The following SHKBP1 variants were observed in gnomAD, a reference collection of about 807,000 sequenced individuals.
The protein encoded by SHKBP1 is SH3KBP1-binding protein 1.
In SHKBP1, 71 loss-of-function variants were observed where a neutral mutation model predicts 83.9. The ratio of observed to expected loss-of-function variants is 0.85; its 90% CI spans 0.70 to 1.03. SHKBP1 has a LOEUF of 1.03. Among genes scored for constraint, SHKBP1 ranks in the 50% least tolerant of loss-of-function variants. The pLI, the probability that SHKBP1 is intolerant of heterozygous loss-of-function variation, is 0.00. For synonymous variants in SHKBP1, 371 were observed against 398.0 expected (o/e 0.93, Z 0.81); for missense variants, 824 against 982.4 (o/e 0.84, Z 2.16).
chr19:40,586,905 G>A lies in SHKBP1; in HGVS notation c.1297G>A (p.Val433Ile). The A allele has an allele frequency of 6.2e-7, 1 of 1,609,532 alleles. No homozygotes were observed. The highest frequency in any genetic ancestry group is 2.2e-5 in the East Asian group (1 of 44,676). ...FQTFTVHRSP[V>I]TKIMLSEKHL... ...GACCTTCACTGTGCACCGCAGCCCT[G>A]TCACCAAGATCATGCTGTCGGAGAA... The change falls in exon 13 of 18, where the codon GTC (valine) becomes ATC (isoleucine). Residue 433 changes from valine (V) to isoleucine (I), a missense_variant. Transcript: ENST00000291842.
chr19:40,588,522 G>A (rs1010097946), intron 13 of SHKBP1, 102 bp from the exon 14 acceptor site: 60 of 1,440,062 alleles, frequency 4.2e-5, no homozygotes, highest in Non-Finnish European at 5.4e-5. Flanking sequence ...AACTCAGCAA[G>A]GGCTGACCCT....
At chr19:40,582,915 G>T (rs945103470) in intron 10 of SHKBP1, among the ~76,000 whole-genome samples, 1 of 151,950 alleles carries the variant, frequency 6.6e-6, no homozygotes, top group Non-Finnish European at 1.5e-5. Flanking sequence ...TCAGAAAGAG[G>T]TGACAGAGAA....
chr19:40,583,781 G>C (rs2081289813), intron 12 of SHKBP1, 64 bp downstream of exon 12: 1 of 1,272,142 alleles, frequency 7.9e-7, no homozygotes, highest in Non-Finnish European at 1.1e-6. Flanking sequence ...GCCTGCAGCT[G>C]TCCCCCAACT....
intron 13 of SHKBP1, among the ~76,000 whole-genome samples, chr19:40,587,795 T>C (rs368663995): frequency 6.6e-6 from 1 of 152,048 alleles, no homozygotes; most frequent in Non-Finnish European, 1.5e-5. Context: ...TCCCAGCTTC[T>C]TGGGAGGCTG....
In SHKBP1 at chr19:40,580,630, C is replaced by T; in HGVS notation, c.627C>T (p.Ala209=). The T allele has an allele frequency of 9.3e-6, 15 of 1,614,162 alleles. No individual in the cohort carries two copies. Among genetic ancestry groups the T allele is most frequent in the Non-Finnish European group, 1.3e-5 (15 of 1,180,040 alleles). ...VCGHHNWIAV[A]YTQFLVCYRL... ...GACACCATAATTGGATCGCTGTGGCCTATACCCAGTTTCTAGTCTGCTACA... is the reference window on the plus strand; with the variant it reads ...GACACCATAATTGGATCGCTGTGGCTTATACCCAGTTTCTAGTCTGCTACA... Residue 209 remains alanine, a synonymous_variant, in exon 8 of 18, where the codon GCC becomes GCT. Transcript: ENST00000291842.
intron 13 of SHKBP1, among the ~76,000 whole-genome samples, chr19:40,587,450 G>A (rs937181215): frequency 2.6e-5 from 4 of 152,082 alleles, no homozygotes; most frequent in African/African-American, 4.8e-5. Context: ...AATTAGCCAG[G>A]TGTGGTGGCA....
chr19:40,580,858 G>T lies in SHKBP1; in HGVS notation c.766G>T (p.Asp256Tyr). The part of the protein sequence containing the change: ...RVHGGALGEH[D>Y]KMVAAATGSE... ...GCATGGTGGGGCTTTGGGTGAACAT[G>T]ACAAGATGGTGGCAGCAGCCACCGG... Residue 256 changes from aspartate to tyrosine, a missense_variant, in exon 9 of 18, where the codon GAC becomes TAC. Asp to Tyr is a radical substitution (Grantham distance 160, BLOSUM62 -3). Transcript: ENST00000291842. 1.2e-6 allele frequency: 2 copies of T among 1,613,126 alleles called. No individual in the cohort carries two copies. Among genetic ancestry groups the T allele is most frequent in the Non-Finnish European group, 1.7e-6 (2 of 1,179,494 alleles).
At chr19:40,577,729 A>T in intron 4 of SHKBP1, 99 bp downstream of exon 4, 1 of 1,418,326 alleles carries the variant, frequency 7.1e-7, no homozygotes, top group East Asian at 2.3e-5. Flanking sequence ...ATTCTATTAG[A>T]ATTCTCATTC....
At chr19:40,587,287 T>A (rs1402206944) in intron 13 of SHKBP1, among the ~76,000 whole-genome samples, 1 of 151,954 alleles carries the variant, frequency 6.6e-6, no homozygotes, top group Non-Finnish European at 1.5e-5. Flanking sequence ...AGACAATAAA[T>A]CTATAAAAAT....
Position 40,588,638 on chromosome 19 carries a change from A to G in SHKBP1, c.1351A>G (p.Asn451Asp). ...KHLISVCADN[N>D]HVRTWSVTRF... Reference sequence around the variant, plus strand: ...GTGCCCCTCAGTCTGTGCCGACAACAACCACGTGCGGACATGGTCTGTGAC... The same window carrying G: ...GTGCCCCTCAGTCTGTGCCGACAACGACCACGTGCGGACATGGTCTGTGAC... Residue 451 changes from asparagine (N) to aspartate (D), a missense_variant, in exon 14 of 18, where the codon AAC becomes GAC. Around this residue, in one of 3 missense-constraint regions of SHKBP1, gnomAD observed 182 missense variants for 273.1 expected, o/e 0.67. Transcript: ENST00000291842. 2 of 1,614,154 alleles carry G rather than the reference A, an allele frequency of 1.2e-6. No individual in the cohort carries two copies. Among genetic ancestry groups the G allele is most frequent in the Non-Finnish European group, 1.7e-6 (2 of 1,180,022 alleles).
intron 15 of SHKBP1, among the ~76,000 whole-genome samples, chr19:40,589,784 A>G (rs2081342471): frequency 1.3e-5 from 2 of 151,992 alleles, no homozygotes; most frequent in African/African-American, 4.8e-5. Flanking sequence ...GTCACATGGG[A>G]AGGACACGTG....
At position 40,577,291 on chromosome 19, in the gene SHKBP1, G is replaced by A. The variant is rs1211964737; in HGVS notation, c.140+7G>A. 3 of 1,614,054 alleles carry A rather than the reference G, an allele frequency of 1.9e-6. No homozygotes were observed. Among genetic ancestry groups the A allele is most frequent in the Non-Finnish European group, 2.5e-6 (3 of 1,179,980 alleles). ...CAGACTCCTTCTTCTCCAGGTGATC[G>A]GGAGAGCGAGTTTGGGGCGAGGGTA... On this transcript the variant is annotated splice_region_variant and intron_variant, in intron 2 of 17. Transcript: ENST00000291842.
rs1376668619 is a variant in SHKBP1, at chr19:40,590,649, G to A, written c.1769-81G>A. On this transcript the variant is annotated intron_variant, in intron 16 of 17. Coordinates refer to ENST00000291842, the MANE Select transcript of SHKBP1 (RefSeq NM_138392.4). The surrounding 1 kb of genome is among the most constrained non-coding windows in gnomAD (Gnocchi z 4.6). ...CTTCCTCTCTCCTGTCCTGACCCTC[G>A]GTGCTTGCACTGCAATGCAACCCAG... is the stretch of plus-strand genomic sequence containing the variant. 1.5e-5 allele frequency: 22 copies of A among 1,480,640 alleles called. No individual in the cohort carries two copies. The highest frequency in any genetic ancestry group is 3.9e-5 in the South Asian group (3 of 76,208). The allele number at this position is 1,480,640 out of a possible 1,614,324, so 91.7% of individuals were successfully genotyped here.
At position 40,580,359 on chromosome 19, in the gene SHKBP1, G is replaced by A; in HGVS notation, c.436G>A (p.Val146Met). 6.2e-7 allele frequency: 1 copy of A among 1,614,214 alleles called. No individual in the cohort carries two copies. Among genetic ancestry groups the A allele is most frequent in the Non-Finnish European group, 8.5e-7 (1 of 1,180,046 alleles). The change falls in exon 7 of 18, where the codon GTG becomes ATG. Residue 146 changes from valine (V) to methionine (M), a missense_variant. Val to Met is a conservative substitution (Grantham distance 21). Around this residue, in one of 3 missense-constraint regions of SHKBP1, gnomAD observed 355 missense variants for 386.4 expected, o/e 0.92. Transcript: ENST00000291842. The part of the protein sequence containing the change: ...PVKRRNRHSL[V>M]GPQQLGGRPA... ...GAAGCGGCGGAACCGGCACAGCCTA[G>A]TGGGGCCTCAGCAGCTAGGAGGACG... is the stretch of plus-strand genomic sequence containing the variant.
At chr19:40,580,031 CA>C (rs35620022) in intron 6 of SHKBP1, 6,011 of 64,052 alleles carry the variant, frequency 0.094, 16 homozygotes, top group Non-Finnish European at 0.11. Context: ...AACTCCAACT[CA>C]AAAAAAAAAA....
intron 6 of SHKBP1, among the ~76,000 whole-genome samples, chr19:40,579,102 T>C (rs2081246654): frequency 6.6e-6 from 1 of 151,962 alleles, no homozygotes; most frequent in African/African-American, 2.4e-5. Flanking sequence ...AACAATCATT[T>C]ATTTATTTAT....
intron 6 of SHKBP1, 84 bp from the exon 7 acceptor site, chr19:40,580,240 T>A: frequency 6.8e-7 from 1 of 1,476,548 alleles, no homozygotes; most frequent in Non-Finnish European, 9.2e-7. Flanking sequence ...CATGGGGAAA[T>A]CAATCACCGT....
At position 40,576,947 on chromosome 19, in the gene SHKBP1, T is replaced by G; in HGVS notation, c.48T>G (p.Pro16=). Residue 16 remains proline (P), a synonymous_variant, in exon 1 of 18, where the codon CCT becomes CCG. Coordinates refer to ENST00000291842, the MANE Select transcript of SHKBP1 (RefSeq NM_138392.4). ...TAAEGVPSRG[P]PGEVIHLNVG... is the part of the protein sequence containing the mutation. ...CCGAGGGGGTCCCCAGTCGGGGGCC[T>G]CCCGGGGAAGTCATTCATCTGAATG... The G allele has an allele frequency of 6.7e-7, 1 of 1,500,070 alleles. No homozygotes were observed. Among genetic ancestry groups the G allele is most frequent in the East Asian group, 2.5e-5 (1 of 40,624 alleles). The allele number at this position is 1,500,070 out of a possible 1,614,324, so 92.9% of individuals were successfully genotyped here.
chr19:40,589,066 C>A lies in SHKBP1; in HGVS notation c.1493-16C>A, dbSNP rs2081335188. The A allele has an allele frequency of 6.2e-7, 1 of 1,609,174 alleles. No individual in the cohort carries two copies. The highest frequency in any genetic ancestry group is 8.5e-7 in the Non-Finnish European group (1 of 1,179,192). ...GAATCCCAGCTGGCCCTGACCCCTGCCCCTGCCTGGCCCAGGCCCCTACGG... is the reference window on the plus strand; with the variant it reads ...GAATCCCAGCTGGCCCTGACCCCTGACCCTGCCTGGCCCAGGCCCCTACGG... On this transcript the variant is annotated splice_polypyrimidine_tract_variant and intron_variant, in intron 14 of 17. Coordinates refer to ENST00000291842, the MANE Select transcript of SHKBP1 (RefSeq NM_138392.4).
Sources: gnomAD v4.1 joint callset for allele counts (sites outside exome capture counted in the v4.1 genomes callset) on GRCh38, gnomAD v4.1.1 for gene constraint, gnomAD v4.1.1 regional missense constraint, Gnocchi (gnomAD v3.1) non-coding constraint, MANE v1.5 for transcripts, NCBI Gene and HGNC (gene_info 2026-07-23, HGNC 2026-07-21) for gene names.